The following RBFOX3 variants were observed in gnomAD, a reference collection of about 807,000 sequenced individuals.
RBFOX3 encodes the protein RNA binding protein fox-1 homolog 3.
Under a neutral mutation model 48.7 loss-of-function variants are expected in RBFOX3, and 17 were observed. The ratio of observed to expected loss-of-function variants is 0.35; its 90% CI spans 0.24 to 0.52. The LOEUF (loss-of-function observed/expected upper bound fraction) is 0.52. Ranked by LOEUF, RBFOX3 falls within the 20% of genes least tolerant of loss-of-function variation. The probability of loss-of-function intolerance (pLI) is 0.94; values close to 1 mark genes in which losing one functional copy is unlikely to be tolerated. For synonymous variants in RBFOX3, 212 were observed against 209.5 expected, an observed-to-expected ratio of 1.01 and a Z score of -0.10; for missense variants, 382 against 497.5, an observed-to-expected ratio of 0.77 and a Z score of 2.21.
chr17:79,206,738 T>G (rs932717821), intron 4 of RBFOX3, among the ~76,000 whole-genome samples: 2 of 152,168 alleles, frequency 1.3e-5, no homozygotes, highest in Admixed American at 6.6e-5. Flanking sequence ...CACCCCATGG[T>G]GCACCCTGCG....
At chr17:79,325,040 T>C (rs971634642) in intron 2 of RBFOX3, among the ~76,000 whole-genome samples, 2 of 152,264 alleles carry the variant, frequency 1.3e-5, no homozygotes, top group African/African-American at 4.8e-5. Flanking sequence ...CCAGCCTTGA[T>C]GACTCTCTAG....
chr17:79,115,757 GGA>G lies in RBFOX3; in HGVS notation c.-33-11_-33-10del. ...GTGGCGTCCTGATCGCTCTGTGGAA[GGA>G]GAGAGAGCAAGGCCTGGTTAGAATC... On this transcript the variant is annotated splice_polypyrimidine_tract_variant and intron_variant, in intron 4 of 14. Coordinates refer to ENST00000693108, the MANE Select transcript of RBFOX3 (RefSeq NM_001350451.2). 1.5e-6 allele frequency: 1 copy of G among 685,626 alleles called. No individual in the cohort carries two copies. Among genetic ancestry groups the G allele is most frequent in the Non-Finnish European group, 2.6e-6 (1 of 388,628 alleles). 42.5% of individuals were successfully genotyped at this position (685,626 alleles called of 1,614,324 possible).
At chr17:79,560,925 C>G (rs1402804723) in intron 1 of RBFOX3, among the ~76,000 whole-genome samples, 4 of 152,120 alleles carry the variant, frequency 2.6e-5, no homozygotes, top group African/African-American at 9.7e-5. Context: ...CATGGGGATT[C>G]AATAACTTGT....
chr17:79,276,973 C>T (rs907554774), intron 3 of RBFOX3, among the ~76,000 whole-genome samples: 1 of 152,190 alleles, frequency 6.6e-6, no homozygotes. Flanking sequence ...GCACAGTCAG[C>T]CACCCCATCT....
intron 2 of RBFOX3, among the ~76,000 whole-genome samples, chr17:79,324,331 A>T (rs1249907058): frequency 6.6e-6 from 1 of 152,208 alleles, no homozygotes; most frequent in Non-Finnish European, 1.5e-5. Context: ...AAGCTGGCTG[A>T]CATCTGGCAA....
intron 2 of RBFOX3, among the ~76,000 whole-genome samples, chr17:79,317,061 T>C (rs2077635389): frequency 1.3e-5 from 2 of 152,148 alleles, no homozygotes; most frequent in Admixed American, 1.3e-4. Flanking sequence ...TGACCCTCCA[T>C]GAAGACCGAC....
At chr17:79,485,056 G>A (rs2079357282) in intron 1 of RBFOX3, among the ~76,000 whole-genome samples, 1 of 149,768 alleles carries the variant, frequency 6.7e-6, no homozygotes, top group African/African-American at 2.4e-5. Context: ...GAGGCAGGTG[G>A]TCCAGGGAGA....
intron 4 of RBFOX3, among the ~76,000 whole-genome samples, chr17:79,167,466 T>C (rs2048257911): frequency 1.3e-5 from 2 of 151,774 alleles, no homozygotes; most frequent in African/African-American, 4.9e-5. Flanking sequence ...CATGGGACCT[T>C]GGCTCTAGTG....
chr17:79,278,217 C>T (rs997354079), intron 3 of RBFOX3, among the ~76,000 whole-genome samples: 3 of 152,142 alleles, frequency 2.0e-5, no homozygotes, highest in Non-Finnish European at 4.4e-5. Context: ...CAGCCCTGCT[C>T]CCCAGGCCTG....
At chr17:79,367,352 C>T (rs562048890) in intron 2 of RBFOX3, among the ~76,000 whole-genome samples, 18 of 150,144 alleles carry the variant, frequency 1.2e-4, no homozygotes, top group Middle Eastern at 6.8e-3. Flanking sequence ...TCCCCCTCCT[C>T]CTCCTACTCC....
intron 3 of RBFOX3, among the ~76,000 whole-genome samples, chr17:79,280,282 G>T (rs1166179510): frequency 6.6e-6 from 1 of 150,858 alleles, no homozygotes; most frequent in South Asian, 2.1e-4. Context: ...ATGCATATAC[G>T]CACATGCACA....
intron 1 of RBFOX3, among the ~76,000 whole-genome samples, chr17:79,511,357 A>C (rs2084169148): frequency 6.6e-6 from 1 of 152,182 alleles, no homozygotes; most frequent in Non-Finnish European, 1.5e-5. Flanking sequence ...TTCAGTGCCT[A>C]ATATGTGTCG....
At chr17:79,581,432 T>A (rs1237342979) in intron 1 of RBFOX3, among the ~76,000 whole-genome samples, 1 of 152,208 alleles carries the variant, frequency 6.6e-6, no homozygotes, top group Non-Finnish European at 1.5e-5. Flanking sequence ...CTGGATGCCC[T>A]GGACACCAGA....
intron 2 of RBFOX3, among the ~76,000 whole-genome samples, chr17:79,384,273 C>T (rs560104110): frequency 4.2e-4 from 64 of 152,304 alleles, no homozygotes; most frequent in African/African-American, 1.5e-3. Context: ...GGAGGCCGCA[C>T]TGCCAGGCAC....
intron 1 of RBFOX3, chr17:79,598,127 C>A (rs1172038009): frequency 6.6e-6 from 1 of 152,272 alleles, no homozygotes; most frequent in Admixed American, 6.5e-5. Context: ...CAGAAATCTG[C>A]CTTCCAATAA....
intron 3 of RBFOX3, among the ~76,000 whole-genome samples, chr17:79,255,754 C>G (rs1218691668): frequency 6.6e-6 from 1 of 152,004 alleles, no homozygotes; most frequent in Non-Finnish European, 1.5e-5. Context: ...GGGGCAGCGT[C>G]CCTGGGCTTC....
intron 2 of RBFOX3, among the ~76,000 whole-genome samples, chr17:79,448,334 C>T (rs1208474397): frequency 6.6e-6 from 1 of 152,194 alleles, no homozygotes; most frequent in Non-Finnish European, 1.5e-5. Flanking sequence ...GGACCTCAAG[C>T]TGTGACCTTA....
At chr17:79,656,749 A>AAGGAAGGAAG in the RBFOX3 span, among the ~76,000 whole-genome samples, 11 of 51,922 alleles carry the variant, frequency 2.1e-4, 1 homozygote, top group African/African-American at 6.7e-4. Context: ...AAAGAAAGAA[A>AAGGAAGGAAG]GAAGGAAGGA....
intron 1 of RBFOX3, among the ~76,000 whole-genome samples, chr17:79,545,710 G>C (rs2090332234): frequency 6.6e-6 from 1 of 152,214 alleles, no homozygotes. Flanking sequence ...CCGCCTCCCA[G>C]CTGAGACTGC....
Sources: gnomAD v4.1 joint callset for allele counts (sites outside exome capture counted in the v4.1 genomes callset) on GRCh38, gnomAD v4.1.1 for gene constraint, MANE v1.5 for transcripts, NCBI Gene and HGNC (gene_info 2026-07-23, HGNC 2026-07-21) for gene names.